Variants in PALS1 observed in about 807,000 individuals in gnomAD.
The protein encoded by PALS1 is protein associated with LIN7 1, MAGUK p55 family member.
In PALS1, 31 loss-of-function variants were observed where a neutral mutation model predicts 78.9. The ratio of observed to expected loss-of-function variants is 0.39; its 90% CI spans 0.30 to 0.53. The LOEUF is 0.53. Among genes scored for constraint, PALS1 ranks in the 20% least tolerant of loss-of-function variants. The pLI is 0.67. For missense variants in PALS1, 704 were observed against 826.5 expected, an observed-to-expected ratio of 0.85 and a Z score of 1.82; for synonymous variants, 276 against 270.9, an observed-to-expected ratio of 1.02 and a Z score of -0.18.
At chr14:67,303,712 A>T in intron 8 of PALS1, 113 bp downstream of exon 8, 1 of 710,600 alleles carries the variant, frequency 1.4e-6, no homozygotes, top group Middle Eastern at 3.8e-4. Context: ...AAATTCAATC[A>T]TTTTTATTTA....
chr14:67,256,255 T>C (rs1272279134), intron 1 of PALS1, among the ~76,000 whole-genome samples: 1 of 152,152 alleles, frequency 6.6e-6, no homozygotes, highest in Non-Finnish European at 1.5e-5. Context: ...ACATCTTCTA[T>C]GTATATTTGT....
intron 9 of PALS1, among the ~76,000 whole-genome samples, 185 bp downstream of exon 9, chr14:67,312,895 T>C (rs974459727): frequency 6.6e-6 from 1 of 152,202 alleles, no homozygotes; most frequent in Non-Finnish European, 1.5e-5. Flanking sequence ...GGCCAATTCT[T>C]TGGCCTTTAG....
chr14:67,293,383 A>C (rs116278090), intron 4 of PALS1, among the ~76,000 whole-genome samples: 228 of 152,252 alleles, frequency 1.5e-3, no homozygotes, highest in African/African-American at 5.2e-3. Context: ...GGTATTATTA[A>C]AATGAATAAT....
Position 67,249,989 on chromosome 14 carries a change from C to T in PALS1, c.-237+8456C>T, listed in dbSNP as rs199541860. 4.6e-5 allele frequency among the ~76,000 whole-genome samples: 7 copies of T among 152,074 alleles called. 1 individual carries two copies. Among genetic ancestry groups the T allele is most frequent in the African/African-American group, 1.4e-4 (6 of 41,402 alleles). Reference sequence around the variant, plus strand: ...TATGTTTGAAATGTAAGTAACGCTTCGGAAAGTCTTTTTTTCTGAGTTTCT... The same window carrying T: ...TATGTTTGAAATGTAAGTAACGCTTTGGAAAGTCTTTTTTTCTGAGTTTCT... On this transcript the variant is annotated intron_variant, in intron 1 of 14. Transcript: ENST00000261681.
intron 1 of PALS1, among the ~76,000 whole-genome samples, chr14:67,264,244 G>T (rs1312486381): frequency 6.6e-6 from 1 of 152,124 alleles, no homozygotes; most frequent in African/African-American, 2.4e-5. Context: ...GATGACAGTG[G>T]TATTTAAATT....
chr14:67,291,659 G>C (rs1229067061), intron 3 of PALS1, among the ~76,000 whole-genome samples: 1 of 152,158 alleles, frequency 6.6e-6, no homozygotes, highest in East Asian at 1.9e-4. Flanking sequence ...CTAACAGGCA[G>C]ACACAATGCA....
rs1356555342 is a variant in PALS1 at position 67,334,966 on chromosome 14, G to T, written c.*2010G>T. 1 of 152,232 alleles carries T rather than the reference G, an allele frequency of 6.6e-6. No homozygotes were observed. The highest frequency in any genetic ancestry group is 1.5e-5 in the Non-Finnish European group (1 of 68,052). The allele number at this position is 152,232 out of a possible 1,614,324, so 9.4% of individuals were successfully genotyped here. A position where few individuals can be genotyped will look rare whatever the true frequency, so the allele number is the denominator to read the frequency against. On this transcript the variant is annotated 3_prime_UTR_variant, in exon 15 of 15. Transcript: ENST00000261681. ...CAGTTCATGTTAAGTTAGAGTGAGG[G>T]TGTAGGTAGTGTCAGTGAGTGGCTC...
At position 67,334,048 on chromosome 14, in the gene PALS1, T is replaced by C. The variant is rs990382626; in HGVS notation, c.*1092T>C. The C allele has an allele frequency of 7.2e-5, 11 of 152,590 alleles. No homozygotes were observed. The highest frequency in any genetic ancestry group is 1.0e-4 in the Non-Finnish European group (7 of 68,040). The allele number at this position is 152,590 out of a possible 1,614,324, so 9.5% of individuals were successfully genotyped here. On this transcript the variant is annotated 3_prime_UTR_variant, in exon 15 of 15. Transcript: ENST00000261681. Reference sequence around the variant, plus strand: ...CTTGTTTAGCATTAGAATAAAATTATATATGTCCTTGGGAAATATTATGAC... The same window carrying C: ...CTTGTTTAGCATTAGAATAAAATTACATATGTCCTTGGGAAATATTATGAC...
chr14:67,258,587 A>G (rs534431899), intron 1 of PALS1, among the ~76,000 whole-genome samples: 1 of 152,178 alleles, frequency 6.6e-6, no homozygotes, highest in South Asian at 2.1e-4. Context: ...ACAACTGCCT[A>G]TATTTTGTAC....
chr14:67,305,705 G>A (rs944121103), intron 8 of PALS1, among the ~76,000 whole-genome samples: 11 of 152,054 alleles, frequency 7.2e-5, no homozygotes, highest in South Asian at 6.2e-4. Context: ...GTTGATTCTC[G>A]TTGTATGCAA....
At chr14:67,291,474 G>A (rs1418402106) in intron 3 of PALS1, among the ~76,000 whole-genome samples, 7 of 151,994 alleles carry the variant, frequency 4.6e-5, no homozygotes, top group African/African-American at 1.7e-4. Context: ...TAATAGAGAC[G>A]GGGTTTTACC....
At chr14:67,291,678 T>C (rs1391200971) in intron 3 of PALS1, among the ~76,000 whole-genome samples, 1 of 152,230 alleles carries the variant, frequency 6.6e-6, no homozygotes, top group Non-Finnish European at 1.5e-5. Context: ...CACATACATA[T>C]GCCCACAACT....
intron 13 of PALS1, among the ~76,000 whole-genome samples, chr14:67,322,844 G>T (rs766285475): frequency 6.6e-6 from 1 of 152,128 alleles, no homozygotes; most frequent in Non-Finnish European, 1.5e-5. Context: ...TTGATAGAGC[G>T]TGTCAGTTTG....
chr14:67,298,256 C>G (rs1049983328), intron 4 of PALS1, among the ~76,000 whole-genome samples: 1 of 151,972 alleles, frequency 6.6e-6, no homozygotes, highest in Non-Finnish European at 1.5e-5. Context: ...TTATTAGTAT[C>G]AAGTCAAAAT....
chr14:67,335,913 C>T lies in PALS1; in HGVS notation c.*2957C>T, dbSNP rs1246880633. On this transcript the variant is annotated 3_prime_UTR_variant, in exon 15 of 15. Coordinates refer to ENST00000261681, the MANE Select transcript of PALS1 (RefSeq NM_022474.4). ...TTCAAGTTTTTGCCAAAAGCAAGAC[C>T]ATTGGATCCTCCAGCTACAACACAA... is the stretch of plus-strand genomic sequence containing the variant. 1 of 152,228 alleles carries T rather than the reference C, an allele frequency of 6.6e-6. No individual in the cohort carries two copies. The allele number at this position is 152,228 out of a possible 1,614,324, so 9.4% of individuals were successfully genotyped here.
At chr14:67,309,043 T>C (rs559928575) in intron 8 of PALS1, among the ~76,000 whole-genome samples, 23 of 152,304 alleles carry the variant, frequency 1.5e-4, no homozygotes, top group African/African-American at 5.1e-4. Flanking sequence ...TGGAAGATAA[T>C]TGCGTCCAAA....
At chr14:67,256,455 A>T (rs1402894779) in intron 1 of PALS1, among the ~76,000 whole-genome samples, 1 of 152,224 alleles carries the variant, frequency 6.6e-6, no homozygotes, top group Non-Finnish European at 1.5e-5. Context: ...TTAACAGTGT[A>T]TTTTATTTAA....
intron 2 of PALS1, among the ~76,000 whole-genome samples, chr14:67,275,420 G>T (rs568371564): frequency 2.0e-5 from 3 of 152,212 alleles, no homozygotes; most frequent in Admixed American, 2.0e-4. Flanking sequence ...GCTGGATTAC[G>T]TTTATTGATT....
rs2141077853 is a variant in PALS1 at position 67,334,528 on chromosome 14, A to G, written c.*1572A>G. ...TTTGTGTCATGTACATATTTGATTG[A>G]TTTTTTTTCTTCTACATAATTTTAT... On this transcript the variant is annotated 3_prime_UTR_variant, in exon 15 of 15. Coordinates refer to ENST00000261681, the MANE Select transcript of PALS1 (RefSeq NM_022474.4). The G allele has an allele frequency of 6.6e-6, 1 of 152,500 alleles. No homozygotes were observed. The highest frequency in any genetic ancestry group is 1.9e-4 in the East Asian group (1 of 5,172). The allele number at this position is 152,500 out of a possible 1,614,324, so 9.4% of individuals were successfully genotyped here.
Sources: allele counts gnomAD v4.1 joint callset (sites outside exome capture counted in the v4.1 genomes callset), GRCh38; gene constraint gnomAD v4.1.1; transcripts MANE v1.5; gene names NCBI Gene and HGNC (gene_info 2026-07-23, HGNC 2026-07-21).